GDA: variants seen among roughly 807,000 people sequenced by gnomAD.
GDA encodes the protein guanine deaminase.
A neutral mutation model predicts 59.6 loss-of-function variants in GDA; 18 were observed. The ratio of observed to expected loss-of-function variants is 0.30; its 90% CI spans 0.21 to 0.45. The LOEUF is 0.45. Among genes scored for constraint, GDA ranks in the 20% least tolerant of loss-of-function variants. The pLI, the probability that GDA is intolerant of heterozygous loss-of-function variation, is 1.00. For synonymous variants in GDA, 201 were observed against 201.1 expected (o/e 1.00, Z 0.00); for missense variants, 427 against 552.3 (o/e 0.77, Z 2.27).
intron 1 of GDA, 106 bp downstream of exon 1, chr9:72,149,788 C>T: frequency 4.2e-6 from 5 of 1,178,396 alleles, no homozygotes; most frequent in Non-Finnish European, 5.7e-6. Context: ...GCGCAGTGAG[C>T]GCCGCGGCTC....
Position 72,249,092 on chromosome 9 carries a change from C to T in GDA, c.*750C>T. 1.0e-6 allele frequency: 1 copy of T among 975,088 alleles called. No individual in the cohort carries two copies. Among genetic ancestry groups the T allele is most frequent in the African/African-American group, 1.8e-5 (1 of 57,118 alleles). 60.4% of individuals were successfully genotyped at this position (975,088 alleles called of 1,614,324 possible). A position where few individuals can be genotyped will look rare whatever the true frequency, so the allele number is the denominator to read the frequency against. On this transcript the variant is annotated 3_prime_UTR_variant, in exon 14 of 14. Transcript: ENST00000358399. The stretch of plus-strand genomic sequence containing the variant: ...CTTAGGAATATTATTCATGTAACTC[C>T]ATGGCATAAATAGTTGTATTTTTGT...
chr9:72,200,280 G>A (rs1451918929), intron 2 of GDA, among the ~76,000 whole-genome samples: 2 of 152,090 alleles, frequency 1.3e-5, no homozygotes, highest in African/African-American at 4.8e-5. Flanking sequence ...ACAGGCGTGA[G>A]CCACCGTGCC....
intron 1 of GDA, among the ~76,000 whole-genome samples, chr9:72,191,554 C>T (rs1832549845): frequency 6.6e-6 from 1 of 151,372 alleles, no homozygotes; most frequent in Non-Finnish European, 1.5e-5. Flanking sequence ...TCACTGCAAG[C>T]TCCGCCTCCC....
At chr9:72,231,285 AT>A (rs1024094499) in intron 10 of GDA, 104 bp downstream of exon 10, 16 of 641,424 alleles carry the variant, frequency 2.5e-5, no homozygotes, top group African/African-American at 1.1e-4. Context: ...AAAAAAAAAA[AT>A]TAGTTTTGGG....
At chr9:72,172,742 A>C (rs1830106690) in intron 1 of GDA, among the ~76,000 whole-genome samples, 1 of 152,162 alleles carries the variant, frequency 6.6e-6, no homozygotes, top group South Asian at 2.1e-4. Flanking sequence ...CTCTGCATCT[A>C]TATTTGTTAG....
At chr9:72,192,507 G>A (rs771568518) in intron 1 of GDA, among the ~76,000 whole-genome samples, 63 of 150,922 alleles carry the variant, frequency 4.2e-4, no homozygotes, top group Non-Finnish European at 5.9e-5. Flanking sequence ...TGGGATTACA[G>A]GCATGAGCCA....
intron 1 of GDA, among the ~76,000 whole-genome samples, chr9:72,184,614 A>G (rs1182909959): frequency 1.3e-5 from 2 of 152,180 alleles, no homozygotes; most frequent in Admixed American, 1.3e-4. Flanking sequence ...ACTGAAGGAC[A>G]TCTTGGTTGC....
chr9:72,256,939 C>T (rs1840893855), downstream of GDA: 1 of 152,304 alleles, frequency 6.6e-6, no homozygotes, highest in African/African-American at 2.4e-5. Flanking sequence ...GTGGGTCTCA[C>T]GTACATTGGT....
intron 1 of GDA, among the ~76,000 whole-genome samples, chr9:72,165,597 A>G (rs888208363): frequency 3.3e-5 from 5 of 151,990 alleles, no homozygotes; most frequent in African/African-American, 1.2e-4. Flanking sequence ...AATAAAAATA[A>G]AATTTAAAAT....
chr9:72,146,552 T>C (rs1183160759), upstream of GDA, among the ~76,000 whole-genome samples: 5 of 151,962 alleles, frequency 3.3e-5, no homozygotes, highest in East Asian at 1.9e-4. Context: ...GTGCAGTGGT[T>C]CAATCCTGGC....
chr9:72,118,079 T>C (rs1372343489), intron 1 of GDA, among the ~76,000 whole-genome samples: 2 of 151,964 alleles, frequency 1.3e-5, no homozygotes, highest in East Asian at 3.9e-4. Flanking sequence ...AAGACCATCC[T>C]GGCTAACATG....
intron 1 of GDA, among the ~76,000 whole-genome samples, chr9:72,190,049 C>A (rs948874338): frequency 1.3e-5 from 2 of 151,980 alleles, no homozygotes; most frequent in African/African-American, 4.8e-5. Context: ...TGGATTAATG[C>A]CATTATGAAG....
chr9:72,201,031 T>C (rs1054969826), intron 2 of GDA, among the ~76,000 whole-genome samples: 1 of 152,090 alleles, frequency 6.6e-6, no homozygotes, highest in Non-Finnish European at 1.5e-5. Context: ...ACTTACTAAG[T>C]TTCTTGTGAA....
chr9:72,134,066 A>T (rs1462482792), intron 1 of GDA, among the ~76,000 whole-genome samples: 1 of 152,168 alleles, frequency 6.6e-6, no homozygotes, highest in Non-Finnish European at 1.5e-5. Context: ...CATCGGGAGG[A>T]TCATGAATAA....
At chr9:72,151,908 C>A (rs1169163064) in intron 1 of GDA, among the ~76,000 whole-genome samples, 1 of 152,144 alleles carries the variant, frequency 6.6e-6, no homozygotes, top group Non-Finnish European at 1.5e-5. Flanking sequence ...GGCCAATGAT[C>A]TGTAAATTTT....
At chr9:72,255,406 G>T (rs1271758071), downstream of GDA, among the ~76,000 whole-genome samples, 3 of 152,164 alleles carry the variant, frequency 2.0e-5, no homozygotes, top group African/African-American at 7.2e-5. Flanking sequence ...GTTCCTACCA[G>T]TTTCTTCACT....
rs369274871 is a variant in GDA at position 72,135,667 on chromosome 9, C to T, written c.-100+20834C>T. Among the ~76,000 whole-genome samples, 11 of 152,034 alleles carry T rather than the reference C, an allele frequency of 7.2e-5. No individual in the cohort carries two copies. The South Asian group carries it at 8.3e-4, about 12-fold the overall frequency. On this transcript the variant is annotated intron_variant, in intron 1 of 13. Transcript: ENST00000545168. ...ATAGTTGGCCTGGCGCGGTGACTCA[C>T]GCCTGTAATCCAGCACTTTGGGAGG...
In GDA at chr9:72,249,472, GT is replaced by G; in HGVS notation, c.*1133del. 1 of 740,088 alleles carries G rather than the reference GT, an allele frequency of 1.4e-6. No homozygotes were observed. Among genetic ancestry groups the G allele is most frequent in the Non-Finnish European group, 1.6e-6 (1 of 606,242 alleles). The allele number at this position is 740,088 out of a possible 1,614,324, so 45.8% of individuals were successfully genotyped here. ...AGTTTTCTGTTTAACTCCTTATAAT[GT>G]TTAGGATATTAAAATTTTAGGATAA... On this transcript the variant is annotated 3_prime_UTR_variant, in exon 14 of 14. Coordinates refer to ENST00000358399, the MANE Select transcript of GDA (RefSeq NM_004293.5).
intron 1 of GDA, among the ~76,000 whole-genome samples, chr9:72,128,372 T>C (rs930714392): frequency 6.6e-6 from 1 of 152,122 alleles, no homozygotes; most frequent in Non-Finnish European, 1.5e-5. Context: ...GCAGCTTTCT[T>C]ATCATTCTTC....
Sources: gnomAD v4.1 joint callset for allele counts (sites outside exome capture counted in the v4.1 genomes callset) on GRCh38, gnomAD v4.1.1 for gene constraint, MANE v1.5 for transcripts, NCBI Gene and HGNC (gene_info 2026-07-23, HGNC 2026-07-21) for gene names.